Variants in ANO2 observed in about 807,000 individuals in gnomAD.
ANO2 encodes anoctamin 2.
ANO2 carries 101 observed loss-of-function variants against 124.2 expected under a neutral mutation model. The ratio of observed to expected loss-of-function variants is 0.81; its 90% CI spans 0.69 to 0.96. The LOEUF is 0.96. Ranked by LOEUF, ANO2 falls within the 40% of genes least tolerant of loss-of-function variation. The pLI, the probability that ANO2 is intolerant of heterozygous loss-of-function variation, is 0.00. For synonymous variants in ANO2, 486 were observed against 482.5 expected (o/e 1.01, Z -0.09); for missense variants, 1,293 against 1,274.5 (o/e 1.01, Z -0.22).
intron 16 of ANO2, among the ~76,000 whole-genome samples, chr12:5,621,006 A>G (rs531192131): frequency 1.3e-5 from 2 of 152,130 alleles, no homozygotes; most frequent in East Asian, 1.9e-4. Context: ...CCACATCCCC[A>G]TCTTTGGCCT....
chr12:5,664,608 G>T (rs1247161504), intron 14 of ANO2, among the ~76,000 whole-genome samples: 3 of 152,160 alleles, frequency 2.0e-5, no homozygotes, highest in Admixed American at 2.0e-4. Flanking sequence ...GTAAACAGCT[G>T]ACCCAGGCTT....
chr12:5,916,205 G>A lies in ANO2; in HGVS notation c.534+4835C>T, dbSNP rs1316707793. Among the ~76,000 whole-genome samples, 6 of 152,098 alleles carry A rather than the reference G, an allele frequency of 3.9e-5. 1 individual carries two copies. The East Asian group carries it at 1.2e-3, about 29-fold the overall frequency. On this transcript the variant is annotated intron_variant, in intron 3 of 24. Transcript: ENST00000682330. ...GGCAGGAGGATCACCGGCACCTGGG[G>A]AGTTGAGCCTGCAGTGAGCTGAAAT...
intron 10 of ANO2, among the ~76,000 whole-genome samples, chr12:5,772,113 T>A (rs1383969623): frequency 6.6e-6 from 1 of 151,934 alleles, no homozygotes; most frequent in Non-Finnish European, 1.5e-5. Context: ...GAGGAAAACA[T>A]AAAGAACACT....
intron 23 of ANO2, among the ~76,000 whole-genome samples, chr12:5,569,769 C>A (rs977192948): frequency 6.6e-6 from 1 of 152,096 alleles, no homozygotes; most frequent in Non-Finnish European, 1.5e-5. Context: ...TAAAGAAAGA[C>A]ACTGTGAGAA....
chr12:5,726,273 C>T (rs570666287), intron 14 of ANO2, among the ~76,000 whole-genome samples: 2 of 152,284 alleles, frequency 1.3e-5, no homozygotes, highest in African/African-American at 2.4e-5. Flanking sequence ...GTAAACTGAG[C>T]TAATTCTCCC....
intron 3 of ANO2, 105 bp downstream of exon 3, chr12:5,920,935 T>A: frequency 7.6e-7 from 1 of 1,315,074 alleles, no homozygotes; most frequent in Non-Finnish European, 1.0e-6. Context: ...AAAGTCCACC[T>A]GCCAGAATAA....
At chr12:5,717,360 C>T (rs1463465476) in intron 14 of ANO2, among the ~76,000 whole-genome samples, 2 of 152,226 alleles carry the variant, frequency 1.3e-5, no homozygotes, top group Non-Finnish European at 2.9e-5. Context: ...CTAATCGTAC[C>T]TCAGGGATTT....
intron 13 of ANO2, among the ~76,000 whole-genome samples, chr12:5,734,433 C>A (rs1176381303): frequency 2.0e-5 from 3 of 152,212 alleles, no homozygotes; most frequent in Non-Finnish European, 4.4e-5. Context: ...TTCTACATCT[C>A]TTCAAGCCAG....
At chr12:5,703,971 C>G (rs1232048760) in intron 14 of ANO2, among the ~76,000 whole-genome samples, 1 of 152,212 alleles carries the variant, frequency 6.6e-6, no homozygotes, top group African/African-American at 2.4e-5. Context: ...TATCCATTCA[C>G]CTGTGTGACA....
chr12:5,677,129 G>A (rs199810740), intron 14 of ANO2, among the ~76,000 whole-genome samples: 1 of 151,596 alleles, frequency 6.6e-6, no homozygotes, highest in African/African-American at 2.4e-5. Context: ...CTCAGGATTG[G>A]GGGGGAGAAT....
intron 12 of ANO2, among the ~76,000 whole-genome samples, chr12:5,741,410 C>T (rs967055072): frequency 6.6e-6 from 1 of 152,130 alleles, no homozygotes; most frequent in Non-Finnish European, 1.5e-5. Context: ...GGATTTGAGG[C>T]CTTTCTCGAG....
intron 15 of ANO2, among the ~76,000 whole-genome samples, chr12:5,640,517 T>G (rs1483445909): frequency 2.0e-5 from 3 of 152,070 alleles, no homozygotes; most frequent in East Asian, 3.9e-4. Context: ...ACAAAGAACT[T>G]AAACAAATTT....
chr12:5,882,286 G>A (rs1198288995), intron 3 of ANO2, among the ~76,000 whole-genome samples: 1 of 152,252 alleles, frequency 6.6e-6, no homozygotes, highest in East Asian at 1.9e-4. Context: ...AGAAGGAGGT[G>A]GATATAAAAA....
intron 3 of ANO2, among the ~76,000 whole-genome samples, chr12:5,905,831 C>T (rs1940639390): frequency 6.6e-6 from 1 of 152,170 alleles, no homozygotes; most frequent in Admixed American, 6.5e-5. Context: ...CCTCTTTCCC[C>T]AACAGGTCAC....
At chr12:5,876,329 G>C (rs892107688) in intron 3 of ANO2, among the ~76,000 whole-genome samples, 2 of 152,164 alleles carry the variant, frequency 1.3e-5, no homozygotes, top group African/African-American at 4.8e-5. Context: ...TCATATTCTA[G>C]GACATAATTC....
In ANO2 at chr12:5,640,565, G is replaced by A. The variant is rs576808168; in HGVS notation, c.1621-5218C>T. Among the ~76,000 whole-genome samples, 7 of 152,224 alleles carry A rather than the reference G, an allele frequency of 4.6e-5. No homozygotes were observed. In the East Asian group the frequency reaches 1.4e-3, roughly 29 times the overall value. ...CAACCCCATCAAAAAGGGTGCAAAG[G>A]ATATGAACAGACACTTCTCAAAAGA... On this transcript the variant is annotated intron_variant, in intron 15 of 24. Coordinates refer to ENST00000682330, the MANE Select transcript of ANO2 (RefSeq NM_001364791.2).
chr12:5,784,024 C>A (rs907909419), intron 10 of ANO2, among the ~76,000 whole-genome samples: 7 of 152,216 alleles, frequency 4.6e-5, no homozygotes, highest in African/African-American at 1.4e-4. Flanking sequence ...CACAATCTGA[C>A]CTTGCCTGCC....
At chr12:5,670,378 T>C (rs1296501022) in intron 14 of ANO2, among the ~76,000 whole-genome samples, 1 of 152,124 alleles carries the variant, frequency 6.6e-6, no homozygotes, top group Non-Finnish European at 1.5e-5. Context: ...ATTCTGGCAT[T>C]AAGGGGAAAT....
chr12:5,770,592 C>G (rs527557508), intron 10 of ANO2, among the ~76,000 whole-genome samples: 1 of 152,218 alleles, frequency 6.6e-6, no homozygotes, highest in African/African-American at 2.4e-5. Flanking sequence ...CAAATCCAAC[C>G]ATGTGTCACC....
Sources: allele counts gnomAD v4.1 joint callset (sites outside exome capture counted in the v4.1 genomes callset), GRCh38; gene constraint gnomAD v4.1.1; transcripts MANE v1.5; gene names NCBI Gene and HGNC (gene_info 2026-07-23, HGNC 2026-07-21).